Variants in PSPC1 observed in about 807,000 individuals in gnomAD.
The protein encoded by PSPC1 is paraspeckle component 1, also known as paraspeckle protein 1.
A neutral mutation model predicts 51.6 loss-of-function variants in PSPC1; 14 were observed. The ratio of observed to expected loss-of-function variants is 0.27; its 90% CI spans 0.18 to 0.42. The LOEUF (loss-of-function observed/expected upper bound fraction) is 0.42. PSPC1 is among the 10% of genes least tolerant of loss of function. The probability of loss-of-function intolerance (pLI) is 1.00; values close to 1 mark genes in which losing one functional copy is unlikely to be tolerated. For synonymous variants in PSPC1, 193 were observed against 231.9 expected (o/e 0.83, Z 1.53); for missense variants, 406 against 701.1 (o/e 0.58, Z 4.75).
intron 1 of PSPC1, among the ~76,000 whole-genome samples, chr13:19,778,510 T>C (rs1469249658): frequency 7.0e-6 from 1 of 142,362 alleles, no homozygotes. Flanking sequence ...GTCTGCCGAA[T>C]GCCTGCAATT....
intron 1 of PSPC1, among the ~76,000 whole-genome samples, chr13:19,774,935 G>A (rs748949842): frequency 6.6e-6 from 1 of 151,974 alleles, no homozygotes; most frequent in African/African-American, 2.4e-5. Flanking sequence ...AGCACTTTGG[G>A]AAGCCAAAAC....
At chr13:19,742,702 G>A (rs1424841056) in intron 4 of PSPC1, among the ~76,000 whole-genome samples, 1 of 152,168 alleles carries the variant, frequency 6.6e-6, no homozygotes, top group Non-Finnish European at 1.5e-5. Context: ...TTGCGCCACT[G>A]CACTCCAGCC....
chr13:19,734,427 T>G (rs773569707), intron 5 of PSPC1, among the ~76,000 whole-genome samples: 1 of 152,236 alleles, frequency 6.6e-6, no homozygotes, highest in African/African-American at 2.4e-5. Context: ...TTGCTGTTAT[T>G]GTTCAGCACT....
downstream of PSPC1, among the ~76,000 whole-genome samples, chr13:19,699,702 TTTAA>T (rs1168524151): frequency 1.4e-4 from 3 of 21,358 alleles, no homozygotes; most frequent in African/African-American, 2.0e-4. Flanking sequence ...TGCTACTTAC[TTTAA>T]AGTAGTTTGC....
chr13:19,776,971 C>T (rs950485845), intron 1 of PSPC1, among the ~76,000 whole-genome samples: 27 of 148,340 alleles, frequency 1.8e-4, no homozygotes, highest in African/African-American at 6.0e-4. Flanking sequence ...ACTAAAAATA[C>T]AAAAATCAGC....
intron 5 of PSPC1, among the ~76,000 whole-genome samples, chr13:19,732,805 T>C (rs1273438742): frequency 6.6e-6 from 1 of 151,996 alleles, no homozygotes; most frequent in African/African-American, 2.4e-5. Context: ...CACGTGCATG[T>C]AATCCCAGCT....
rs575858972 is a variant in PSPC1, at chr13:19,690,164, T to A, written c.1159-12341A>T. Among the ~76,000 whole-genome samples the A allele has an allele frequency of 3.0e-4, 45 of 152,352 alleles. No homozygotes were observed. The South Asian group carries it at 6.0e-3, about 20-fold the overall frequency. On this transcript the variant is annotated intron_variant and NMD_transcript_variant, in intron 6 of 7. Coordinates refer to the PSPC1 transcript ENST00000471658. ...CCAATGTATCAAAACCTGAGAGGAT[T>A]AGGTAGTCCCCTTCATCACATATAA...
At chr13:19,769,872 A>G (rs1159750623) in intron 2 of PSPC1, among the ~76,000 whole-genome samples, 1 of 152,214 alleles carries the variant, frequency 6.6e-6, no homozygotes, top group African/African-American at 2.4e-5. Flanking sequence ...CACCACGGAA[A>G]AGAACTTGGC....
chr13:19,718,276 T>TTTCTC (rs1270468086), intron 6 of PSPC1, among the ~76,000 whole-genome samples: 23 of 152,132 alleles, frequency 1.5e-4, no homozygotes, highest in African/African-American at 5.3e-4. Context: ...ATACCCAAGT[T>TTTCTC]TTCTCCCCTC....
intron 5 of PSPC1, among the ~76,000 whole-genome samples, chr13:19,732,507 A>T (rs1884241194): frequency 6.6e-6 from 1 of 152,200 alleles, no homozygotes; most frequent in African/African-American, 2.4e-5. Context: ...CAACCACATT[A>T]ATATTTCTGC....
chr13:19,671,969 G>A (rs1035403433), downstream of PSPC1: 7 of 1,326,718 alleles, frequency 5.3e-6, no homozygotes, highest in African/African-American at 1.5e-5. Context: ...TCTATGTAAA[G>A]TTTTGTCTGT....
At chr13:19,765,594 T>G (rs1335204309) in intron 2 of PSPC1, among the ~76,000 whole-genome samples, 3 of 151,144 alleles carry the variant, frequency 2.0e-5, no homozygotes, top group African/African-American at 7.3e-5. Flanking sequence ...TCAGAGTAGC[T>G]GGGACTACAG....
In PSPC1 at chr13:19,751,354, C is replaced by T. The variant is rs763745025; in HGVS notation, c.884G>A (p.Arg295Lys). The change falls in exon 4 of 9, where the codon AGA becomes AAA. Residue 295 changes from arginine to lysine, a missense_variant. By Grantham distance (26) the Arg-to-Lys change is conservative. Transcript: ENST00000338910. ...MEKQQREQVD[R>K]NIREAKEKLE... Reference sequence around the variant, plus strand: ...TTTCTCTTTGGCTTCTCTGATGTTTCTATCAACCTGCTCACGCTGCTGCTT... The same window carrying T: ...TTTCTCTTTGGCTTCTCTGATGTTTTTATCAACCTGCTCACGCTGCTGCTT... 6.3e-7 allele frequency: 1 copy of T among 1,590,082 alleles called. No individual in the cohort carries two copies. Among genetic ancestry groups the T allele is most frequent in the African/African-American group, 1.4e-5 (1 of 73,410 alleles).
intron 7 of PSPC1, chr13:19,675,336 T>C (rs1876523197): frequency 6.6e-6 from 1 of 152,206 alleles, no homozygotes. Flanking sequence ...AATTTGTGCA[T>C]TGCTGCCATA....
At chr13:19,677,809 T>C (rs1876838378) in exon 7 of PSPC1, 2 of 490,910 alleles carry the variant, frequency 4.1e-6, no homozygotes, top group Non-Finnish European at 8.2e-6. Context: ...TTCAGCCACA[T>C]TTTCTTTTAT....
chr13:19,751,149 T>G, intron 4 of PSPC1, 122 bp downstream of exon 4: 1 of 662,696 alleles, frequency 1.5e-6, no homozygotes, highest in East Asian at 3.0e-5. Flanking sequence ...ACACCTAATA[T>G]GTTGAGTTCC....
At chr13:19,715,643 C>T (rs1035874642) in intron 6 of PSPC1, among the ~76,000 whole-genome samples, 2 of 152,152 alleles carry the variant, frequency 1.3e-5, no homozygotes, top group Admixed American at 6.5e-5. Flanking sequence ...TGCCTATAAT[C>T]CCAGCACTTT....
intron 5 of PSPC1, among the ~76,000 whole-genome samples, chr13:19,739,457 A>G (rs993519674): frequency 6.6e-6 from 1 of 152,122 alleles, no homozygotes; most frequent in Non-Finnish European, 1.5e-5. Flanking sequence ...TTAAAAATAG[A>G]AAAGATCTGG....
intron 6 of PSPC1, among the ~76,000 whole-genome samples, chr13:19,691,649 G>A (rs1218709410): frequency 6.6e-6 from 1 of 152,004 alleles, no homozygotes; most frequent in Admixed American, 6.6e-5. Flanking sequence ...CGGGCGTGGT[G>A]AGTCATTGCC....
Sources: gnomAD v4.1 joint callset for allele counts (sites outside exome capture counted in the v4.1 genomes callset) on GRCh38, gnomAD v4.1.1 for gene constraint, MANE v1.5 for transcripts, NCBI Gene and HGNC (gene_info 2026-07-23, HGNC 2026-07-21) for gene names.